ANKRD11: variants seen among roughly 807,000 people sequenced by gnomAD.
The protein encoded by ANKRD11 is ankyrin repeat domain 11, also known as ankyrin repeat domain-containing protein 11.
Under a neutral mutation model 195.7 loss-of-function variants are expected in ANKRD11, and 17 were observed. The ratio of observed to expected loss-of-function variants is 0.09; its 90% CI spans 0.06 to 0.13. The LOEUF (loss-of-function observed/expected upper bound fraction) is 0.13. Ranked by LOEUF, ANKRD11 falls within the 10% of genes least tolerant of loss-of-function variation. ANKRD11 has a pLI of 1.00. For missense variants in ANKRD11, 3,735 were observed against 3,566.1 expected (o/e 1.05, Z -1.21); for synonymous variants, 1,953 against 1,528.1 (o/e 1.28, Z -6.49).
At chr16:89,438,140 C>T (rs1412962489) in intron 1 of ANKRD11, among the ~76,000 whole-genome samples, 1 of 152,194 alleles carries the variant, frequency 6.6e-6, no homozygotes, top group Non-Finnish European at 1.5e-5. Flanking sequence ...CCACGAACCG[C>T]GTGCGCAGCC....
chr16:89,317,289 AAGG>A (rs1163262352), intron 2 of ANKRD11, among the ~76,000 whole-genome samples: 8 of 152,198 alleles, frequency 5.3e-5, no homozygotes, highest in Non-Finnish European at 1.2e-4. Flanking sequence ...TTTGAGCAGG[AAGG>A]AGAACAGAGA....
chr16:89,450,231 C>G (rs1272958007), intron 1 of ANKRD11, among the ~76,000 whole-genome samples: 3 of 152,144 alleles, frequency 2.0e-5, no homozygotes, highest in African/African-American at 7.2e-5. Context: ...GACCGGGGAG[C>G]CAGATGCTGT....
chr16:89,459,120 A>T lies in ANKRD11; in HGVS notation c.-145+31125T>A, dbSNP rs143355861. On this transcript the variant is annotated intron_variant, in intron 1 of 12. Coordinates refer to ENST00000301030, the MANE Select transcript of ANKRD11 (RefSeq NM_013275.6). ...ACAATGGCTGCCAATGCTAAGAATA[A>T]ATTCTTGATGAGTTTCTAAGAAATC... The T allele has an allele frequency of 1.5e-5, 3 of 195,156 alleles. No homozygotes were observed. The East Asian group carries it at 3.5e-4, about 23-fold the overall frequency. The allele number at this position is 195,156 out of a possible 1,614,324, so 12.1% of individuals were successfully genotyped here.
chr16:89,324,434 T>A, intron 2 of ANKRD11: 1 of 467,426 alleles, frequency 2.1e-6, no homozygotes. Flanking sequence ...AAAACCAAGG[T>A]AAGTGTGAGG....
At chr16:89,452,200 G>A (rs1428200498) in intron 1 of ANKRD11, among the ~76,000 whole-genome samples, 2 of 151,992 alleles carry the variant, frequency 1.3e-5, no homozygotes, top group Non-Finnish European at 2.9e-5. Context: ...GGAGGTTGCA[G>A]TAAGCCGAGA....
chr16:89,279,920 A>G lies in ANKRD11; in HGVS notation c.6622T>C (p.Ser2208Pro), dbSNP rs778171762. The change falls in exon 9 of 13, where the codon TCA becomes CCA. Residue 2208 changes from serine (S) to proline (P), a missense_variant. Coordinates refer to ENST00000301030, the MANE Select transcript of ANKRD11 (RefSeq NM_013275.6). The surrounding 1 kb of genome is among the most constrained non-coding windows in gnomAD (Gnocchi z 5.6). ...RLPAELEPEP[S>P]GEPKLDVALE... is the part of the protein sequence containing the mutation. The stretch of plus-strand genomic sequence containing the variant: ...GCCACGTCCAGCTTTGGCTCCCCTG[A>G]GGGCTCAGGCTCGAGCTCTGCAGGG... 9 of 1,609,732 alleles carry G rather than the reference A, an allele frequency of 5.6e-6. No individual in the cohort carries two copies. The highest frequency in any genetic ancestry group is 7.6e-6 in the Non-Finnish European group (9 of 1,179,624).
intron 9 of ANKRD11, chr16:89,278,619 A>G: frequency 2.2e-6 from 1 of 453,014 alleles, no homozygotes; most frequent in Non-Finnish European, 4.4e-6. Context: ...CCAAGGGAGG[A>G]GGTGGGGGAA....
intron 2 of ANKRD11, chr16:89,324,144 C>A: frequency 1.0e-6 from 1 of 964,658 alleles, no homozygotes; most frequent in Non-Finnish European, 1.3e-6. Context: ...TCTACTGCAG[C>A]CCTGTTTCCA....
chr16:89,446,472 C>T (rs1181026431), intron 1 of ANKRD11, among the ~76,000 whole-genome samples: 2 of 152,102 alleles, frequency 1.3e-5, no homozygotes, highest in Non-Finnish European at 2.9e-5. Flanking sequence ...GGTGTGGTGG[C>T]AAGCATCTGT....
Position 89,275,677 on chromosome 16 carries a change from G to T in ANKRD11, c.7471-486C>A, listed in dbSNP as rs1008701654. 3.9e-5 allele frequency among the ~76,000 whole-genome samples: 6 copies of T among 152,104 alleles called. No individual in the cohort carries two copies. The East Asian group carries it at 7.7e-4, about 20-fold the overall frequency. ...CGAGCCGGTGGTCTTGCAGTGGCTC[G>T]GGGGAGGGAAGCACGCACTGGCCCA... On this transcript the variant is annotated intron_variant, in intron 9 of 12. Transcript: ENST00000301030.
intron 2 of ANKRD11, among the ~76,000 whole-genome samples, chr16:89,384,580 C>T (rs972344318): frequency 9.2e-5 from 14 of 151,652 alleles, no homozygotes; most frequent in African/African-American, 2.2e-4. Context: ...TGGGACGGGA[C>T]GGGATGGGGC....
intron 2 of ANKRD11, among the ~76,000 whole-genome samples, chr16:89,326,521 G>A (rs910056766): frequency 1.4e-4 from 22 of 152,096 alleles, no homozygotes; most frequent in African/African-American, 5.3e-4. Flanking sequence ...AAGGCAGGGG[G>A]GTCATTTGGG....
At chr16:89,335,621 G>A (rs776265762) in intron 2 of ANKRD11, among the ~76,000 whole-genome samples, 2 of 151,814 alleles carry the variant, frequency 1.3e-5, no homozygotes, top group Non-Finnish European at 2.9e-5. Context: ...GCAAAGCCCC[G>A]TCACACACAC....
chr16:89,423,744 A>G (rs576553343), intron 1 of ANKRD11, among the ~76,000 whole-genome samples: 6 of 152,290 alleles, frequency 3.9e-5, no homozygotes, highest in Non-Finnish European at 8.8e-5. Context: ...ATGTGCTTCG[A>G]TGGTGTAAGA....
At chr16:89,476,063 A>G (rs543035706) in intron 1 of ANKRD11, among the ~76,000 whole-genome samples, 112 of 152,092 alleles carry the variant, frequency 7.4e-4, no homozygotes, top group African/African-American at 2.6e-3. Flanking sequence ...AAAAAAAAAA[A>G]AAAGAAAAAG....
intron 1 of ANKRD11, among the ~76,000 whole-genome samples, chr16:89,431,705 TAACGACGTGCTGCTGA>T (rs1054906558): frequency 7.9e-5 from 12 of 152,152 alleles, no homozygotes; most frequent in African/African-American, 2.9e-4. Flanking sequence ...CCTCTGGCTT[TAACGACGTGCTGCTGA>T]ATCCCAGCTC....
intron 3 of ANKRD11, chr16:89,313,361 T>C (rs1202471387): frequency 2.3e-6 from 3 of 1,287,554 alleles, no homozygotes; most frequent in East Asian, 5.5e-5. Context: ...CTGCTGGTTC[T>C]TCCCGAGGCA....
chr16:89,417,436 T>C (rs1480748588), intron 2 of ANKRD11, among the ~76,000 whole-genome samples: 2 of 152,172 alleles, frequency 1.3e-5, no homozygotes, highest in Non-Finnish European at 2.9e-5. Context: ...CATGCGTCTC[T>C]GGAAGGAGGG....
rs776492654 is a variant in ANKRD11 at position 89,284,311 on chromosome 16, T to C, written c.2231A>G (p.Lys744Arg). The C allele has an allele frequency of 1.9e-6, 3 of 1,613,840 alleles. No individual in the cohort carries two copies. The highest frequency in any genetic ancestry group is 4.5e-5 in the East Asian group (2 of 44,894). ...AGACTTTTCCTTCAGCGATCTCTCCTTTTCTGCTTTATTCGAACGGTCTTT... is the reference window on the plus strand; with the variant it reads ...AGACTTTTCCTTCAGCGATCTCTCCCTTTCTGCTTTATTCGAACGGTCTTT... The part of the protein sequence containing the change: ...EEKDRSNKAE[K>R]ERSLKEKSPK... Residue 744 changes from lysine (K) to arginine (R), a missense_variant, in exon 9 of 13, where the codon AAG becomes AGG. Coordinates refer to ENST00000301030, the MANE Select transcript of ANKRD11 (RefSeq NM_013275.6).
Sources: allele counts gnomAD v4.1 joint callset (sites outside exome capture counted in the v4.1 genomes callset), GRCh38; gene constraint gnomAD v4.1.1; non-coding constraint Gnocchi (gnomAD v3.1); transcripts MANE v1.5; gene names NCBI Gene and HGNC (gene_info 2026-07-23, HGNC 2026-07-21).